Variants in KIAA0930 observed in about 807,000 individuals in gnomAD.
KIAA0930 encodes the protein uncharacterized protein KIAA0930.
Under a neutral mutation model 43.9 loss-of-function variants are expected in KIAA0930, and 24 were observed. That is an observed-to-expected ratio of 0.55 (90% CI 0.40 to 0.77). The LOEUF (loss-of-function observed/expected upper bound fraction) is 0.77. Ranked by LOEUF, KIAA0930 falls within the 30% of genes least tolerant of loss-of-function variation. KIAA0930 has a pLI of 0.00. For missense variants in KIAA0930, 461 were observed against 574.2 expected, an observed-to-expected ratio of 0.80 and a Z score of 2.02; for synonymous variants, 259 against 216.4, an observed-to-expected ratio of 1.20 and a Z score of -1.73.
At chr22:45,222,385 T>C (rs545202423) in intron 1 of KIAA0930, among the ~76,000 whole-genome samples, 1 of 152,286 alleles carries the variant, frequency 6.6e-6, no homozygotes. Context: ...GCACAATCAC[T>C]GCAACTTTGA....
In KIAA0930 at chr22:45,219,162, G is replaced by C. The variant is rs5766558; in HGVS notation, c.65-7055C>G. 7.0e-4 allele frequency among the ~76,000 whole-genome samples: 106 copies of C among 152,260 alleles called. 2 individuals carry two copies. The East Asian group carries it at 0.018, about 25-fold the overall frequency. On this transcript the variant is annotated intron_variant, in intron 1 of 9. Transcript: ENST00000336156. ...TTCCCATTTGTGATGCACTGCCCAC[G>C]TGGGTAAGTGACTGAACCTCTCAGA... is the stretch of plus-strand genomic sequence containing the variant.
intron 1 of KIAA0930, among the ~76,000 whole-genome samples, chr22:45,234,014 C>T (rs951747874): frequency 1.3e-5 from 2 of 152,186 alleles, no homozygotes; most frequent in Non-Finnish European, 2.9e-5. Flanking sequence ...GAACCCTTAG[C>T]GGGAGAGCCT....
intron 6 of KIAA0930, 55 bp from the exon 7 acceptor site, chr22:45,203,239 G>A: frequency 6.6e-7 from 1 of 1,518,448 alleles, no homozygotes; most frequent in Non-Finnish European, 8.9e-7. Context: ...GCTCCATGGG[G>A]CCCCTCCCCA....
intron 1 of KIAA0930, among the ~76,000 whole-genome samples, chr22:45,237,945 G>C (rs373224827): frequency 1.1e-4 from 17 of 149,118 alleles, no homozygotes; most frequent in African/African-American, 4.0e-4. Context: ...TTTTGAGACA[G>C]AGTCTCACTC....
intron 9 of KIAA0930, 151 bp downstream of exon 9, chr22:45,197,639 T>C (rs1455680852): frequency 2.1e-5 from 16 of 755,938 alleles, no homozygotes; most frequent in Non-Finnish European, 3.0e-5. Flanking sequence ...ACCCAAAGTC[T>C]GAGACAAAGA....
At chr22:45,208,635 G>A (rs376129858) in intron 2 of KIAA0930, among the ~76,000 whole-genome samples, 151 of 152,300 alleles carry the variant, frequency 9.9e-4, no homozygotes, top group African/African-American at 3.1e-3. Flanking sequence ...AGGGGCCTCG[G>A]TGTTCTCATC....
chr22:45,219,839 C>A (rs2083757068), intron 1 of KIAA0930, among the ~76,000 whole-genome samples: 1 of 152,068 alleles, frequency 6.6e-6, no homozygotes, highest in Non-Finnish European at 1.5e-5. Flanking sequence ...AATCCGCCTG[C>A]TTGGCCTCCC....
intron 1 of KIAA0930, chr22:45,212,414 T>C: frequency 6.5e-7 from 1 of 1,543,838 alleles, no homozygotes; most frequent in Non-Finnish European, 8.8e-7. Flanking sequence ...AAAAGGAAAA[T>C]CCCGAGGAGC....
chr22:45,209,884 A>G (rs1264134458), intron 2 of KIAA0930, among the ~76,000 whole-genome samples: 3 of 152,106 alleles, frequency 2.0e-5, no homozygotes, highest in Non-Finnish European at 4.4e-5. Flanking sequence ...CAGATCCTGG[A>G]TGTGACCCCA....
Position 45,213,551 on chromosome 22 carries a change from C to T in KIAA0930, c.65-1444G>A, listed in dbSNP as rs1029619907. 13 of 1,138,282 alleles carry T rather than the reference C, an allele frequency of 1.1e-5. No individual in the cohort carries two copies. In the East Asian group the frequency reaches 1.9e-4, roughly 17 times the overall value. The allele number at this position is 1,138,282 out of a possible 1,614,324, so 70.5% of individuals were successfully genotyped here. The stretch of plus-strand genomic sequence containing the variant: ...TGAAATTCCTGCCGCGTTTTTGCAA[C>T]AGGCAAAGCCCAAGTCACGCTACTA... On this transcript the variant is annotated intron_variant, in intron 1 of 9. Transcript: ENST00000336156.
At chr22:45,210,596 A>G (rs890601459) in intron 2 of KIAA0930, among the ~76,000 whole-genome samples, 2 of 152,104 alleles carry the variant, frequency 1.3e-5, no homozygotes, top group Non-Finnish European at 2.9e-5. Context: ...CCAGGGAAAA[A>G]CAAGACTGGC....
intron 1 of KIAA0930, among the ~76,000 whole-genome samples, chr22:45,233,932 CAG>C (rs1226067591): frequency 6.6e-6 from 1 of 152,238 alleles, no homozygotes; most frequent in Non-Finnish European, 1.5e-5. Context: ...CAAGGGCCTC[CAG>C]AAGACAGAAG....
chr22:45,205,543 GAAGC>G, intron 4 of KIAA0930, 83 bp downstream of exon 4: 1 of 1,315,608 alleles, frequency 7.6e-7, no homozygotes, highest in South Asian at 1.2e-5. Flanking sequence ...CCAGGGCAGA[GAAGC>G]AAGCAGGAGG....
chr22:45,229,660 G>A (rs529548021), intron 1 of KIAA0930, among the ~76,000 whole-genome samples: 24 of 152,342 alleles, frequency 1.6e-4, no homozygotes, highest in Admixed American at 1.4e-3. Flanking sequence ...GGTTGAGGAG[G>A]GTGATTCCAG....
intron 8 of KIAA0930, among the ~76,000 whole-genome samples, chr22:45,198,646 A>C (rs1474112784): frequency 2.6e-5 from 4 of 151,104 alleles, no homozygotes. Context: ...CGAATCCTTC[A>C]CGTCGTTTTT....
At chr22:45,200,809 C>G in intron 7 of KIAA0930, 2 of 451,716 alleles carry the variant, frequency 4.4e-6, no homozygotes, top group Admixed American at 4.8e-5. Flanking sequence ...CCATAGACAG[C>G]ATGCTGGCTG....
rs890984613 is a variant in KIAA0930, at chr22:45,240,475, G to A, written c.64+165C>T. Among the ~76,000 whole-genome samples the A allele has an allele frequency of 2.1e-5, 3 of 143,294 alleles. No individual in the cohort carries two copies. In the East Asian group the frequency reaches 6.2e-4, roughly 30 times the overall value. The allele number at this position is 143,294 out of a possible 152,430, so 94.0% of individuals were successfully genotyped here. On this transcript the variant is annotated intron_variant, in intron 1 of 9. Coordinates refer to ENST00000336156, the MANE Select transcript of KIAA0930 (RefSeq NM_001009880.2). ...AGACAGACCCAGATGCAGGGACGGT[G>A]GGGGGGGGGCCATGGAGGAAGACAG...
At chr22:45,222,632 G>GA (rs1052064903) in intron 1 of KIAA0930, among the ~76,000 whole-genome samples, 1 of 123,184 alleles carries the variant, frequency 8.1e-6, no homozygotes, top group African/African-American at 3.1e-5. Flanking sequence ...TTCTATAGGG[G>GA]AAAAAAAACC....
In KIAA0930 at chr22:45,212,067, C is replaced by T. The variant is rs894094645; in HGVS notation, c.105G>A (p.Met35Ile). ...ATTTCTCCATGAAGTAGGTGGAGAA[C>T]ATCCAAGTCCAGAAGACGATGCGGT... ...KDDRIVFWTW[M>I]FSTYFMEKWA... The change falls in exon 2 of 10, where the codon ATG becomes ATA. Residue 35 changes from methionine to isoleucine, a missense_variant. Coordinates refer to ENST00000336156, the MANE Select transcript of KIAA0930 (RefSeq NM_001009880.2). The T allele has an allele frequency of 3.1e-6, 5 of 1,613,960 alleles. 1 individual carries two copies. The highest frequency in any genetic ancestry group is 1.1e-5 in the South Asian group (1 of 91,082).
Sources: allele counts gnomAD v4.1 joint callset (sites outside exome capture counted in the v4.1 genomes callset), GRCh38; gene constraint gnomAD v4.1.1; transcripts MANE v1.5; gene names NCBI Gene and HGNC (gene_info 2026-07-23, HGNC 2026-07-21).